Variants in PTBP2 observed in about 807,000 individuals in gnomAD.
PTBP2 encodes polypyrimidine tract-binding protein 2.
In PTBP2, 13 loss-of-function variants were observed where a neutral mutation model predicts 61.4. The observed-to-expected ratio is 0.21, with a 90% CI of 0.14 to 0.34. The LOEUF (loss-of-function observed/expected upper bound fraction) is 0.34. PTBP2 is among the 10% of genes least tolerant of loss of function. The pLI, the probability that PTBP2 is intolerant of heterozygous loss-of-function variation, is 1.00. For synonymous variants in PTBP2, 215 were observed against 218.5 expected, an observed-to-expected ratio of 0.98 and a Z score of 0.14; for missense variants, 405 against 642.6, an observed-to-expected ratio of 0.63 and a Z score of 4.00.
At chr1:96,764,178 T>C (rs370954267) in intron 3 of PTBP2, among the ~76,000 whole-genome samples, 7 of 152,252 alleles carry the variant, frequency 4.6e-5, no homozygotes, top group Admixed American at 1.3e-4. Context: ...GTGCTTTTTG[T>C]CAAAGAAAAA....
At chr1:96,791,826 C>CTTTTTTTTTTTTTTTTTTTG (rs1659839308) in intron 8 of PTBP2, among the ~76,000 whole-genome samples, 43 of 66,112 alleles carry the variant, frequency 6.5e-4, no homozygotes, top group South Asian at 1.1e-3. Flanking sequence ...TGGAGTTGTG[C>CTTTTTTTTTTTTTTTTTTTG]TTTTTTTTTT....
chr1:96,782,098 A>G lies in PTBP2; in HGVS notation c.709-2961A>G, dbSNP rs150064326. On this transcript the variant is annotated intron_variant, in intron 7 of 13. Coordinates refer to ENST00000674951, the MANE Select transcript of PTBP2 (RefSeq NM_021190.4). ...TTTTACATAGTCCTTACATTATAAC[A>G]CACATAAGTAGGAAATGGTTCTTTT... 1.2e-3 allele frequency among the ~76,000 whole-genome samples: 186 copies of G among 152,130 alleles called. No individual in the cohort carries two copies. In the Middle Eastern group the frequency reaches 0.014, roughly 11 times the overall value.
At chr1:96,724,286 C>T (rs926194715) in intron 2 of PTBP2, among the ~76,000 whole-genome samples, 2 of 152,034 alleles carry the variant, frequency 1.3e-5, no homozygotes, top group Non-Finnish European at 1.5e-5. Flanking sequence ...GAGCCTCACT[C>T]TGTTGCCCAG....
chr1:96,731,504 G>C (rs977441559), intron 2 of PTBP2, among the ~76,000 whole-genome samples: 6 of 151,978 alleles, frequency 3.9e-5, no homozygotes, highest in Non-Finnish European at 8.8e-5. Context: ...TTTGAATTAA[G>C]TGATTTTATT....
At chr1:96,779,346 G>T (rs981159166) in intron 7 of PTBP2, among the ~76,000 whole-genome samples, 4 of 151,954 alleles carry the variant, frequency 2.6e-5, no homozygotes, top group Non-Finnish European at 4.4e-5. Context: ...TCTTGGTGTG[G>T]AATATTTTCC....
downstream of PTBP2, chr1:96,816,357 A>T (rs1352412891): frequency 6.6e-6 from 1 of 152,190 alleles, no homozygotes; most frequent in East Asian, 1.9e-4. Flanking sequence ...GTCGTATATT[A>T]GTACTCTATG....
intron 3 of PTBP2, among the ~76,000 whole-genome samples, chr1:96,752,735 G>C (rs1363566602): frequency 1.3e-5 from 2 of 152,052 alleles, no homozygotes; most frequent in Non-Finnish European, 1.5e-5. Context: ...AATATTTAGG[G>C]CTAGTGACAG....
At chr1:96,745,001 G>C (rs1048177194) in intron 2 of PTBP2, among the ~76,000 whole-genome samples, 3 of 152,030 alleles carry the variant, frequency 2.0e-5, no homozygotes. Flanking sequence ...CAAAATACCT[G>C]ATCACCTTAT....
chr1:96,812,541 G>A (rs1250326403), intron 11 of PTBP2, among the ~76,000 whole-genome samples, 171 bp from the exon 12 acceptor site: 1 of 152,138 alleles, frequency 6.6e-6, no homozygotes, highest in Non-Finnish European at 1.5e-5. Flanking sequence ...AGAATGCCTT[G>A]TCTAGTTCAA....
chr1:96,746,747 C>G (rs1308576000), intron 2 of PTBP2, among the ~76,000 whole-genome samples: 1 of 148,288 alleles, frequency 6.7e-6, no homozygotes, highest in Non-Finnish European at 1.5e-5. Flanking sequence ...TACTGATTGT[C>G]TTTTGGTTAT....
chr1:96,763,183 G>A (rs546443492), intron 3 of PTBP2, among the ~76,000 whole-genome samples: 1 of 152,256 alleles, frequency 6.6e-6, no homozygotes, highest in South Asian at 2.1e-4. Context: ...GGTGGCGGCT[G>A]GGCAGAGGCT....
At chr1:96,784,055 C>G (rs773990453) in intron 7 of PTBP2, among the ~76,000 whole-genome samples, 4 of 152,000 alleles carry the variant, frequency 2.6e-5, no homozygotes, top group Non-Finnish European at 4.4e-5. Context: ...GAATTAAAAG[C>G]TTTATATACT....
rs1658097182 is a variant in PTBP2, at chr1:96,776,833, G to A, written c.433-752G>A. ...AAATACTGTGTTTATTCAATTTTATGGGTATATTTTTTCGCATTTTAAAAT... is the reference window on the plus strand; with the variant it reads ...AAATACTGTGTTTATTCAATTTTATAGGTATATTTTTTCGCATTTTAAAAT... On this transcript the variant is annotated intron_variant, in intron 5 of 13. Transcript: ENST00000674951. Among the ~76,000 whole-genome samples the A allele has an allele frequency of 2.0e-5, 3 of 151,552 alleles. No individual in the cohort carries two copies. In the South Asian group the frequency reaches 6.3e-4, roughly 32 times the overall value.
rs369033183 is a variant in PTBP2, at chr1:96,761,258, C to T, written c.116-8445C>T. Among the ~76,000 whole-genome samples the T allele has an allele frequency of 8.6e-5, 13 of 151,740 alleles. 1 individual carries two copies. Among genetic ancestry groups the T allele is most frequent in the African/African-American group, 3.1e-4 (13 of 41,368 alleles). On this transcript the variant is annotated intron_variant, in intron 3 of 13. Transcript: ENST00000674951. ...GATTATCTCTGAGAACTCTGAATTT[C>T]CAGTAGTTGTGTCTTGCTGTAATGA...
At chr1:96,750,768 A>C (rs1250779744) in intron 2 of PTBP2, among the ~76,000 whole-genome samples, 1 of 152,094 alleles carries the variant, frequency 6.6e-6, no homozygotes, top group Non-Finnish European at 1.5e-5. Flanking sequence ...TAGTCCATTC[A>C]TATTTTTGTA....
intron 10 of PTBP2, 148 bp downstream of exon 10, chr1:96,806,600 A>G (rs1328711952): frequency 2.4e-6 from 2 of 850,198 alleles, no homozygotes; most frequent in Non-Finnish European, 3.6e-6. Flanking sequence ...ATAGACACAA[A>G]ATTTGTTTTA....
At chr1:96,746,913 C>CCCTTCCTTCCTTCCTTCCTT (rs1214485803) in intron 2 of PTBP2, among the ~76,000 whole-genome samples, 2 of 29,524 alleles carry the variant, frequency 6.8e-5, no homozygotes, top group African/African-American at 2.8e-4. Flanking sequence ...CTCCCTCCCT[C>CCCTTCCTTCCTTCCTTCCTT]CCTTCCTTCC....
chr1:96,779,481 T>C (rs1455904802), intron 7 of PTBP2, among the ~76,000 whole-genome samples: 2 of 152,150 alleles, frequency 1.3e-5, no homozygotes, highest in African/African-American at 4.8e-5. Context: ...GTATCTTGTC[T>C]GAAGTAATAC....
At chr1:96,721,986 C>T (rs1356635575) in intron 1 of PTBP2, 114 bp downstream of exon 1, 4 of 1,377,256 alleles carry the variant, frequency 2.9e-6, no homozygotes, top group African/African-American at 2.9e-5. Context: ...GCTGGGCTGC[C>T]GTTACCCAAC....
Sources: gnomAD v4.1 joint callset for allele counts (sites outside exome capture counted in the v4.1 genomes callset) on GRCh38, gnomAD v4.1.1 for gene constraint, MANE v1.5 for transcripts, NCBI Gene and HGNC (gene_info 2026-07-23, HGNC 2026-07-21) for gene names.